Variants in RBM27 observed in about 807,000 individuals in gnomAD.
RBM27 encodes the protein RNA-binding protein 27.
In RBM27, 22 loss-of-function variants were observed where a neutral mutation model predicts 135.3. The observed-to-expected ratio is 0.16, with a 90% CI of 0.12 to 0.23. RBM27 has a LOEUF of 0.23. Ranked by LOEUF, RBM27 falls within the 10% of genes least tolerant of loss-of-function variation. RBM27 has a pLI of 1.00. For synonymous variants in RBM27, 481 were observed against 442.4 expected, an observed-to-expected ratio of 1.09 and a Z score of -1.10; for missense variants, 1,009 against 1,281.0, an observed-to-expected ratio of 0.79 and a Z score of 3.24.
chr5:146,251,483 TA>T (rs1482341176), intron 8 of RBM27, among the ~76,000 whole-genome samples: 4 of 152,344 alleles, frequency 2.6e-5, no homozygotes, highest in African/African-American at 4.8e-5. Flanking sequence ...ATGGAGATTA[TA>T]TATACTACTT....
At chr5:146,269,340 G>A in intron 16 of RBM27, 59 bp downstream of exon 16, 1 of 1,483,868 alleles carries the variant, frequency 6.7e-7, no homozygotes, top group South Asian at 1.3e-5. Context: ...GATTTTAAAA[G>A]TATTATTCAT....
Position 146,203,728 on chromosome 5 carries a change from T to A in RBM27, c.-38T>A. ...GCGTAGTGGAGACCCACGGCAGGCC[T>A]GAAGAAGAGCGGCGGCCGAGCCCGC... is the stretch of plus-strand genomic sequence containing the variant. On this transcript the variant is annotated 5_prime_UTR_variant, in exon 1 of 21. Coordinates refer to ENST00000265271, the MANE Select transcript of RBM27 (RefSeq NM_018989.2). 1 of 1,545,292 alleles carries A rather than the reference T, an allele frequency of 6.5e-7. No individual in the cohort carries two copies. The highest frequency in any genetic ancestry group is 1.2e-5 in the South Asian group (1 of 83,708).
chr5:146,237,266 T>C (rs748762598), intron 7 of RBM27, 32 bp from the exon 8 acceptor site: 1 of 1,613,362 alleles, frequency 6.2e-7, no homozygotes. Context: ...ATATTAATGC[T>C]GTACTTTTCA....
At chr5:146,269,325 G>T in intron 16 of RBM27, 44 bp downstream of exon 16, 2 of 1,511,296 alleles carry the variant, frequency 1.3e-6, no homozygotes, top group South Asian at 2.5e-5. Context: ...TTGATGTATA[G>T]AATTGATTTT....
intron 19 of RBM27, among the ~76,000 whole-genome samples, chr5:146,282,168 G>A (rs775167584): frequency 6.6e-6 from 1 of 151,918 alleles, no homozygotes; most frequent in African/African-American, 2.4e-5. Context: ...AGTACCCCTG[G>A]CTAATTTTTG....
In RBM27 at chr5:146,275,050, A is replaced by G. The variant is rs115568035; in HGVS notation, c.2988+3376A>G. Among the ~76,000 whole-genome samples the G allele has an allele frequency of 6.4e-3, 971 of 151,592 alleles. 10 individuals are homozygous for G. Among genetic ancestry groups the G allele is most frequent in the African/African-American group, 0.023 (933 of 41,380 alleles). On this transcript the variant is annotated intron_variant, in intron 19 of 20. Transcript: ENST00000265271. ...ATTTTTCTTTTAATAACCTTTTCAA[A>G]AATGTAAAAACCATTCTTAGCTCCT...
intron 8 of RBM27, among the ~76,000 whole-genome samples, chr5:146,239,133 T>C (rs1193314644): frequency 1.3e-5 from 2 of 152,192 alleles, no homozygotes; most frequent in East Asian, 1.9e-4. Context: ...ATACCTAGAA[T>C]TGAAACCTTC....
chr5:146,263,929 A>AC (rs1350428254), intron 14 of RBM27, among the ~76,000 whole-genome samples: 2 of 151,180 alleles, frequency 1.3e-5, no homozygotes, highest in East Asian at 3.9e-4. Context: ...AAATGGCGAA[A>AC]CCCCCTCTCT....
intron 6 of RBM27, 34 bp downstream of exon 6, chr5:146,230,951 A>C (rs1191793159): frequency 6.2e-7 from 1 of 1,607,360 alleles, no homozygotes; most frequent in Admixed American, 1.7e-5. Flanking sequence ...TATTGTGCCC[A>C]AAAGTACTAG....
At chr5:146,225,315 T>G (rs557566446) in intron 3 of RBM27, among the ~76,000 whole-genome samples, 1 of 152,288 alleles carries the variant, frequency 6.6e-6, no homozygotes, top group Admixed American at 6.5e-5. Flanking sequence ...TCAGGATTGA[T>G]TCTAAGGATT....
intron 8 of RBM27, among the ~76,000 whole-genome samples, chr5:146,244,748 C>T (rs1201085281): frequency 3.3e-5 from 5 of 151,140 alleles, no homozygotes; most frequent in African/African-American, 7.3e-5. Flanking sequence ...TCTGTATTGC[C>T]GAGGCTGATC....
chr5:146,281,175 A>T lies in RBM27; in HGVS notation c.2989-3447A>T, dbSNP rs923769262. ...TCTATTTAATGCCACATTTTTCTCA[A>T]TTTTTTTTGTTTTCTTGGTGATTAA... On this transcript the variant is annotated intron_variant, in intron 19 of 20. Coordinates refer to ENST00000265271, the MANE Select transcript of RBM27 (RefSeq NM_018989.2). Among the ~76,000 whole-genome samples the T allele has an allele frequency of 1.1e-4, 16 of 151,732 alleles. No homozygotes were observed. In the South Asian group the frequency reaches 3.1e-3, roughly 30 times the overall value.
At chr5:146,220,082 T>A (rs1756380443) in intron 2 of RBM27, among the ~76,000 whole-genome samples, 1 of 152,150 alleles carries the variant, frequency 6.6e-6, no homozygotes, top group Admixed American at 6.5e-5. Flanking sequence ...ATAGGTTTAT[T>A]TGCCTGGTTA....
chr5:146,256,304 TA>T (rs1160451969), intron 10 of RBM27, among the ~76,000 whole-genome samples: 2 of 146,974 alleles, frequency 1.4e-5, no homozygotes, highest in East Asian at 2.0e-4. Flanking sequence ...ATATATATAT[TA>T]TTTATATATA....
At chr5:146,236,507 C>G (rs138848282) in intron 7 of RBM27, among the ~76,000 whole-genome samples, 2 of 152,246 alleles carry the variant, frequency 1.3e-5, no homozygotes, top group Non-Finnish European at 2.9e-5. Flanking sequence ...AAGTAATGTT[C>G]TTTTAATTGA....
At chr5:146,263,347 A>G in intron 13 of RBM27, 144 bp from the exon 14 acceptor site, 1 of 761,308 alleles carries the variant, frequency 1.3e-6, no homozygotes, top group South Asian at 2.0e-5. Context: ...GTTCCCCTTA[A>G]AAAATAAAAC....
intron 4 of RBM27, 95 bp downstream of exon 4, chr5:146,229,132 C>T (rs1213081080): frequency 1.2e-6 from 1 of 841,036 alleles, no homozygotes; most frequent in Non-Finnish European, 1.9e-6. Context: ...TATACTTACT[C>T]CTCTCTCTGT....
chr5:146,260,635 A>T, intron 11 of RBM27, 110 bp from the exon 12 acceptor site: 1 of 839,734 alleles, frequency 1.2e-6, no homozygotes, highest in Non-Finnish European at 1.8e-6. Context: ...CACCATGCCC[A>T]GCCACAAAAG....
At position 146,211,856 on chromosome 5, in the gene RBM27, G is replaced by A. The variant is rs189274291; in HGVS notation, c.60-7129G>A. Among the ~76,000 whole-genome samples, 18 of 151,920 alleles carry A rather than the reference G, an allele frequency of 1.2e-4. No homozygotes were observed. The East Asian group carries it at 2.5e-3, about 21-fold the overall frequency. ...TCATTCTTTTAAAATAAAAATAAGC[G>A]TATTATTGCATTATGACAGTATAGA... On this transcript the variant is annotated intron_variant, in intron 1 of 20. Coordinates refer to ENST00000265271, the MANE Select transcript of RBM27 (RefSeq NM_018989.2).
Sources: gnomAD v4.1 joint callset for allele counts (sites outside exome capture counted in the v4.1 genomes callset) on GRCh38, gnomAD v4.1.1 for gene constraint, MANE v1.5 for transcripts, NCBI Gene and HGNC (gene_info 2026-07-23, HGNC 2026-07-21) for gene names.